LIFR: variants seen among roughly 807,000 people sequenced by gnomAD.
The protein encoded by LIFR is LIF receptor subunit alpha, also known as leukemia inhibitory factor receptor.
A neutral mutation model predicts 122.2 loss-of-function variants in LIFR; 84 were observed. That is an observed-to-expected ratio of 0.69 (90% CI 0.58 to 0.82). LIFR has a LOEUF of 0.82. Among genes scored for constraint, LIFR ranks in the 40% least tolerant of loss-of-function variants. The probability of loss-of-function intolerance (pLI) is 0.00; values close to 1 mark genes in which losing one functional copy is unlikely to be tolerated. For synonymous variants in LIFR, 422 were observed against 434.7 expected (o/e 0.97, Z 0.36); for missense variants, 1,294 against 1,311.6 (o/e 0.99, Z 0.21).
Position 38,496,172 on chromosome 5 carries a change from T to C in LIFR, c.1885+210A>G, listed in dbSNP as rs538246181. Among the ~76,000 whole-genome samples, 4 of 152,338 alleles carry C rather than the reference T, an allele frequency of 2.6e-5. No homozygotes were observed. In the South Asian group the frequency reaches 8.3e-4, roughly 32 times the overall value. On this transcript the variant is annotated intron_variant, in intron 13 of 19. Coordinates refer to ENST00000453190, the MANE Select transcript of LIFR (RefSeq NM_001127671.2). Reference sequence around the variant, plus strand: ...CCACTATAGTTACTGAGTACAGTAATGATTGTATCCATCAGTGCACATGCT... The same window carrying C: ...CCACTATAGTTACTGAGTACAGTAACGATTGTATCCATCAGTGCACATGCT...
chr5:38,497,063 C>T (rs544213302), intron 12 of LIFR, among the ~76,000 whole-genome samples: 17 of 151,910 alleles, frequency 1.1e-4, no homozygotes, highest in African/African-American at 3.6e-4. Flanking sequence ...TTTGGGAGGC[C>T]GAGGCAGGCG....
intron 5 of LIFR, among the ~76,000 whole-genome samples, chr5:38,514,620 T>C (rs961353418): frequency 6.6e-5 from 10 of 152,212 alleles, no homozygotes; most frequent in African/African-American, 2.4e-4. Flanking sequence ...AAGCTAGCTA[T>C]TATAGATAGC....
intron 1 of LIFR, among the ~76,000 whole-genome samples, chr5:38,532,880 T>C (rs1747090895): frequency 6.6e-6 from 1 of 152,222 alleles, no homozygotes; most frequent in African/African-American, 2.4e-5. Flanking sequence ...CCCCTGTCAA[T>C]GCCTTATTCC....
chr5:38,481,404 T>G lies in LIFR; in HGVS notation c.*191A>C. 1.6e-6 allele frequency: 1 copy of G among 636,004 alleles called. No individual in the cohort carries two copies. Among genetic ancestry groups the G allele is most frequent in the Non-Finnish European group, 2.7e-6 (1 of 364,570 alleles). The allele number at this position is 636,004 out of a possible 1,614,324, so 39.4% of individuals were successfully genotyped here. A position where few individuals can be genotyped will look rare whatever the true frequency, so the allele number is the denominator to read the frequency against. ...CTTGAGTTTTGTGGATTGAGGATTC[T>G]GAGTCACTATACTTTGGCTTTTAGA... On this transcript the variant is annotated 3_prime_UTR_variant, in exon 20 of 20. Transcript: ENST00000453190.
rs752084609 is a variant in LIFR, at chr5:38,485,891, G to A, written c.2425C>T (p.Leu809=). The A allele has an allele frequency of 3.1e-6, 5 of 1,614,098 alleles. No homozygotes were observed. In the Admixed American group the frequency reaches 8.3e-5, roughly 27 times the overall value. The change falls in exon 17 of 20, where the codon CTG becomes TTG. Residue 809 remains leucine, a synonymous_variant. Coordinates refer to ENST00000453190, the MANE Select transcript of LIFR (RefSeq NM_001127671.2). ...CCATCTGTATAGGCTCGCAAGACCA[G>A]GTGGTAACTTGTTTTACCTTGAAGA... ...ADLQGKTSYH[L]VLRAYTDGGV...
chr5:38,488,906 C>T (rs188430860), intron 16 of LIFR, among the ~76,000 whole-genome samples, 172 bp downstream of exon 16: 5 of 152,204 alleles, frequency 3.3e-5, no homozygotes, highest in African/African-American at 9.6e-5. Context: ...TTATTGCACA[C>T]TAAAATCTTA....
At chr5:38,535,689 C>T (rs1747260768) in intron 1 of LIFR, among the ~76,000 whole-genome samples, 1 of 152,186 alleles carries the variant, frequency 6.6e-6, no homozygotes, top group South Asian at 2.1e-4. Context: ...CATCCGAGTT[C>T]ACTGTAACCC....
intron 3 of LIFR, among the ~76,000 whole-genome samples, chr5:38,528,409 G>A (rs528824145): frequency 3.3e-5 from 5 of 152,078 alleles, no homozygotes; most frequent in African/African-American, 1.2e-4. Context: ...CACTAAGACC[G>A]TCCTTCCCTG....
intron 2 of LIFR, among the ~76,000 whole-genome samples, chr5:38,529,868 A>G (rs546513894): frequency 1.3e-5 from 2 of 152,362 alleles, no homozygotes. Flanking sequence ...AGCACTAATC[A>G]TAATAATAAA....
chr5:38,503,159 G>A (rs562255532), intron 10 of LIFR, among the ~76,000 whole-genome samples: 12 of 152,192 alleles, frequency 7.9e-5, no homozygotes, highest in African/African-American at 2.4e-4. Flanking sequence ...ACCTTAATGT[G>A]ATTTATAATT....
chr5:38,602,508 T>C (rs934910129), intron 2 of LIFR, among the ~76,000 whole-genome samples: 6 of 152,100 alleles, frequency 3.9e-5, no homozygotes, highest in Admixed American at 1.3e-4. Flanking sequence ...CTTTTTTTTT[T>C]CTCCATCTCT....
Position 38,505,957 on chromosome 5 carries a change from G to A in LIFR, c.1239C>T (p.His413=). ...TTGATTGTGATCGACCCAGCGGATTGTGAGCATTCAAAGTAAAATTATATA... is the reference window on the plus strand; with the variant it reads ...TTGATTGTGATCGACCCAGCGGATTATGAGCATTCAAAGTAAAATTATATA... ...QEIYNFTLNA[H]NPLGRSQSTI... is the part of the protein sequence containing the mutation. The change falls in exon 9 of 20, where the codon CAC becomes CAT. Residue 413 remains histidine (H), a synonymous_variant. Transcript: ENST00000453190. The A allele has an allele frequency of 6.2e-7, 1 of 1,610,872 alleles. No homozygotes were observed. The highest frequency in any genetic ancestry group is 8.5e-7 in the Non-Finnish European group (1 of 1,178,110).
At chr5:38,498,392 G>A (rs1313440456) in intron 12 of LIFR, among the ~76,000 whole-genome samples, 4 of 152,004 alleles carry the variant, frequency 2.6e-5, no homozygotes, top group African/African-American at 7.3e-5. Flanking sequence ...TTTTCACCTT[G>A]CATCTCCAAG....
intron 5 of LIFR, among the ~76,000 whole-genome samples, 179 bp downstream of exon 5, chr5:38,523,240 T>C (rs1405878758): frequency 2.6e-5 from 4 of 152,226 alleles, no homozygotes; most frequent in African/African-American, 9.6e-5. Flanking sequence ...TGGTTACACA[T>C]CATTTAATAA....
At chr5:38,493,036 C>T (rs186560658) in intron 14 of LIFR, among the ~76,000 whole-genome samples, 5 of 152,244 alleles carry the variant, frequency 3.3e-5, no homozygotes, top group South Asian at 2.1e-4. Flanking sequence ...GCTCATGGAA[C>T]GCAAGGCCTC....
At chr5:38,534,188 G>A (rs571670243) in intron 1 of LIFR, among the ~76,000 whole-genome samples, 1 of 152,162 alleles carries the variant, frequency 6.6e-6, no homozygotes, top group African/African-American at 2.4e-5. Flanking sequence ...TAAAAACTTT[G>A]ACCAGCAACT....
intron 1 of LIFR, among the ~76,000 whole-genome samples, chr5:38,549,322 A>T (rs1346192445): frequency 3.3e-5 from 5 of 150,350 alleles, no homozygotes; most frequent in African/African-American, 1.3e-4. Context: ...ACGTACCCAT[A>T]TGTTTTACAA....
intron 1 of LIFR, among the ~76,000 whole-genome samples, chr5:38,574,530 C>G (rs1752586588): frequency 6.6e-6 from 1 of 152,158 alleles, no homozygotes; most frequent in Non-Finnish European, 1.5e-5. Flanking sequence ...GGTAGTCAAT[C>G]AATCATTGTT....
At chr5:38,540,310 C>T (rs781712955) in intron 1 of LIFR, among the ~76,000 whole-genome samples, 1 of 152,196 alleles carries the variant, frequency 6.6e-6, no homozygotes, top group East Asian at 1.9e-4. Flanking sequence ...GGTAGATGTA[C>T]AATGTGATTA....
Sources: allele counts gnomAD v4.1 joint callset (sites outside exome capture counted in the v4.1 genomes callset), GRCh38; gene constraint gnomAD v4.1.1; transcripts MANE v1.5; gene names NCBI Gene and HGNC (gene_info 2026-07-23, HGNC 2026-07-21).